Variants in CPE observed in about 807,000 individuals in gnomAD.
CPE encodes the protein carbocypeptidase E.
In CPE, 17 loss-of-function variants were observed where a neutral mutation model predicts 53.5. That is an observed-to-expected ratio of 0.32 (90% CI 0.22 to 0.48). The LOEUF (loss-of-function observed/expected upper bound fraction) is 0.48, where lower values mean the gene tolerates loss of function less well. Ranked by LOEUF, CPE falls within the 20% of genes least tolerant of loss-of-function variation. The pLI is 0.99. For missense variants in CPE, 524 were observed against 614.7 expected (o/e 0.85, Z 1.56); for synonymous variants, 226 against 228.8 (o/e 0.99, Z 0.11).
At chr4:165,401,893 G>A (rs772690673) in intron 1 of CPE, among the ~76,000 whole-genome samples, 1 of 152,168 alleles carries the variant, frequency 6.6e-6, no homozygotes, top group Non-Finnish European at 1.5e-5. Flanking sequence ...TAAGCCAGAT[G>A]TGTTTAAAGT....
intron 3 of CPE, among the ~76,000 whole-genome samples, chr4:165,481,016 A>ATATATATATATATATTT (rs1491161430): frequency 9.0e-6 from 1 of 111,038 alleles, no homozygotes; most frequent in African/African-American, 3.4e-5. Context: ...ATATATATAT[A>ATATATATATATATATTT]TTTTTTTTTT....
intron 1 of CPE, among the ~76,000 whole-genome samples, chr4:165,411,363 CT>C (rs1459264402): frequency 6.6e-6 from 1 of 152,098 alleles, no homozygotes; most frequent in African/African-American, 2.4e-5. Context: ...CTTCCTCCTA[CT>C]TTTTGCCCTT....
At chr4:165,423,645 TA>T (rs1206632798) in intron 1 of CPE, among the ~76,000 whole-genome samples, 1 of 152,018 alleles carries the variant, frequency 6.6e-6, no homozygotes, top group Non-Finnish European at 1.5e-5. Context: ...TATTTTATTT[TA>T]TTTTTTATTA....
intron 1 of CPE, 105 bp from the exon 2 acceptor site, chr4:165,464,285 G>A (rs1732058192): frequency 1.1e-6 from 1 of 914,202 alleles, no homozygotes; most frequent in Non-Finnish European, 1.6e-6. Context: ...CATCGCTGCT[G>A]GAGGAAAAAA....
chr4:165,483,143 C>T (rs1163437728), intron 4 of CPE, among the ~76,000 whole-genome samples: 1 of 152,044 alleles, frequency 6.6e-6, no homozygotes, highest in African/African-American at 2.4e-5. Context: ...CCCTCACCTC[C>T]TCCCATCCTC....
chr4:165,404,239 G>A lies in CPE; in HGVS notation c.307+24711G>A, dbSNP rs552537258. ...CAAGACAAGGTGGGAAGCTGAGCCC[G>A]AAGACGGCTCCAATGTCTCCCTCTG... On this transcript the variant is annotated intron_variant, in intron 1 of 8. Coordinates refer to ENST00000402744, the MANE Select transcript of CPE (RefSeq NM_001873.4). 3.9e-4 allele frequency: 300 copies of A among 762,688 alleles called. 3 individuals carry two copies. Among genetic ancestry groups the A allele is most frequent in the South Asian group, 3.3e-3 (243 of 73,380 alleles). The allele number at this position is 762,688 out of a possible 1,614,324, so 47.2% of individuals were successfully genotyped here.
At chr4:165,488,496 C>T (rs1392068791) in intron 6 of CPE, among the ~76,000 whole-genome samples, 4 of 152,184 alleles carry the variant, frequency 2.6e-5, no homozygotes, top group Non-Finnish European at 5.9e-5. Flanking sequence ...GCCCCAGAGG[C>T]AGTGGCAGTG....
chr4:165,411,574 G>C (rs992222866), intron 1 of CPE, among the ~76,000 whole-genome samples: 1 of 152,126 alleles, frequency 6.6e-6, no homozygotes, highest in Non-Finnish European at 1.5e-5. Flanking sequence ...ATGGAAACCA[G>C]CTTTGCCTCC....
intron 1 of CPE, among the ~76,000 whole-genome samples, chr4:165,396,170 G>A (rs542485844): frequency 6.6e-6 from 1 of 152,288 alleles, no homozygotes; most frequent in East Asian, 1.9e-4. Context: ...TTTGGTCCCT[G>A]GGAGATATTT....
At chr4:165,460,013 C>T (rs1334900586) in intron 1 of CPE, among the ~76,000 whole-genome samples, 1 of 151,780 alleles carries the variant, frequency 6.6e-6, no homozygotes, top group African/African-American at 2.4e-5. Context: ...TGCTTCTAGC[C>T]GCTTTCCCCG....
intron 8 of CPE, among the ~76,000 whole-genome samples, chr4:165,497,023 A>G (rs1246921542): frequency 1.3e-5 from 2 of 152,174 alleles, no homozygotes; most frequent in African/African-American, 4.8e-5. Flanking sequence ...CCCGGGTTCA[A>G]GAAATTCTCC....
intron 1 of CPE, among the ~76,000 whole-genome samples, chr4:165,423,532 A>G (rs72703624): frequency 0.042 from 6,348 of 152,092 alleles, 216 homozygotes; most frequent in East Asian, 0.15. Context: ...AAATTTCCCT[A>G]TGACAAATTA....
At chr4:165,434,501 G>A (rs1353282918) in intron 1 of CPE, among the ~76,000 whole-genome samples, 1 of 152,100 alleles carries the variant, frequency 6.6e-6, no homozygotes, top group Non-Finnish European at 1.5e-5. Context: ...TTGACCTACA[G>A]AAAAGGTCAT....
intron 1 of CPE, among the ~76,000 whole-genome samples, chr4:165,399,321 G>A (rs532571136): frequency 3.3e-5 from 5 of 152,254 alleles, no homozygotes; most frequent in Middle Eastern, 3.4e-3. Flanking sequence ...AATTATAACT[G>A]TTGATTCTAA....
In CPE at chr4:165,497,537, C is replaced by T. The variant is rs1260728945; in HGVS notation, c.1358C>T (p.Ser453Phe). The change falls in exon 9 of 9, where the codon TCT (serine) becomes TTT (phenylalanine). Residue 453 changes from serine to phenylalanine, a missense_variant. By Grantham distance (155) the Ser-to-Phe change is radical (BLOSUM62 -2). Coordinates refer to ENST00000402744, the MANE Select transcript of CPE (RefSeq NM_001873.4). The stretch of plus-strand genomic sequence containing the variant: ...GTTGATTTTGAACTGGAGTCATTTT[C>T]TGAAAGGAAAGAAGAGGAGAAGGAA... ...AGVDFELESF[S>F]ERKEEEKEEL... is the part of the protein sequence containing the mutation. 3.2e-6 allele frequency: 5 copies of T among 1,570,356 alleles called. No homozygotes were observed. Among genetic ancestry groups the T allele is most frequent in the Non-Finnish European group, 3.4e-6 (4 of 1,161,184 alleles).
intron 1 of CPE, chr4:165,403,998 C>G: frequency 1.4e-6 from 1 of 716,840 alleles, no homozygotes; most frequent in Non-Finnish European, 2.6e-6. Context: ...AGATGCCACT[C>G]TGTTGGAGAA....
chr4:165,406,126 C>T (rs760195339), intron 1 of CPE: 17 of 753,080 alleles, frequency 2.3e-5, no homozygotes, highest in East Asian at 1.2e-4. Flanking sequence ...TCATAACTTC[C>T]GTGAACTCTG....
chr4:165,437,896 G>A (rs1731539344), intron 1 of CPE, among the ~76,000 whole-genome samples: 1 of 152,150 alleles, frequency 6.6e-6, no homozygotes, highest in Non-Finnish European at 1.5e-5. Flanking sequence ...ACAGAGCATG[G>A]TGTGTGACGA....
intron 1 of CPE, among the ~76,000 whole-genome samples, chr4:165,384,471 A>G (rs1435864301): frequency 6.6e-6 from 1 of 152,110 alleles, no homozygotes; most frequent in African/African-American, 2.4e-5. Flanking sequence ...AAAAAATAAA[A>G]TTAGCTGGGC....
Sources: gnomAD v4.1 joint callset for allele counts (sites outside exome capture counted in the v4.1 genomes callset) on GRCh38, gnomAD v4.1.1 for gene constraint, MANE v1.5 for transcripts, NCBI Gene and HGNC (gene_info 2026-07-23, HGNC 2026-07-21) for gene names.